The following ATAD2B variants were observed in gnomAD, a reference collection of about 807,000 sequenced individuals.
ATAD2B encodes ATPase family AAA domain containing 2B, also known as ATPase family AAA domain-containing protein 2B.
A neutral mutation model predicts 167.6 loss-of-function variants in ATAD2B; 40 were observed. That is an observed-to-expected ratio of 0.24 (90% CI 0.19 to 0.31). The LOEUF is 0.31. Among genes scored for constraint, ATAD2B ranks in the 10% least tolerant of loss-of-function variants. The pLI is 1.00. For synonymous variants in ATAD2B, 579 were observed against 596.5 expected (o/e 0.97, Z 0.43); for missense variants, 1,242 against 1,757.2 (o/e 0.71, Z 5.24).
the ATAD2B span, chr2:23,708,001 G>T: frequency 6.6e-6 from 1 of 152,186 alleles, no homozygotes; most frequent in Non-Finnish European, 1.5e-5. Context: ...GAATGCTGCC[G>T]CCACTGCGCT....
chr2:23,728,497 G>T, the ATAD2B span, among the ~76,000 whole-genome samples: 1 of 152,134 alleles, frequency 6.6e-6, no homozygotes, highest in Non-Finnish European at 1.5e-5. Context: ...AGTCAACAAA[G>T]ATAGGAGGAA....
chr2:23,819,749 T>A lies in ATAD2B; in HGVS notation c.2265A>T (p.Thr755=), dbSNP rs375808887. The change falls in exon 17 of 28, where the codon ACA becomes ACT. Residue 755 remains threonine, a splice_region_variant and synonymous_variant. Transcript: ENST00000238789. ...GAAAGTTGATATAAATCACTCACAT[T>A]GTAAAATGAAGGTAGGGTTTATGTA... ...AAIHKPYLHF[T]MSPYHQPTSY... is the part of the protein sequence containing the mutation. The A allele has an allele frequency of 1.3e-6, 2 of 1,595,884 alleles. No homozygotes were observed. Among genetic ancestry groups the A allele is most frequent in the Non-Finnish European group, 1.7e-6 (2 of 1,171,566 alleles).
At chr2:23,764,763 C>A (rs1384586853) in intron 23 of ATAD2B, among the ~76,000 whole-genome samples, 2 of 151,454 alleles carry the variant, frequency 1.3e-5, no homozygotes, top group Non-Finnish European at 3.0e-5. Context: ...CTATTTCCAG[C>A]ATTCTGTATT....
intron 21 of ATAD2B, among the ~76,000 whole-genome samples, chr2:23,785,447 C>T (rs1392101673): frequency 6.6e-6 from 1 of 152,070 alleles, no homozygotes; most frequent in Non-Finnish European, 1.5e-5. Context: ...ACAAACCATG[C>T]TCCCACAAGC....
intron 27 of ATAD2B, among the ~76,000 whole-genome samples, 160 bp from the exon 28 acceptor site, chr2:23,752,247 C>T (rs1434901327): frequency 1.3e-5 from 2 of 151,946 alleles, no homozygotes; most frequent in Admixed American, 6.6e-5. Flanking sequence ...TTAAGACTAT[C>T]TCCCCTAGAT....
the ATAD2B span, among the ~76,000 whole-genome samples, chr2:23,711,272 GATATAA>G: frequency 2.8e-5 from 4 of 142,232 alleles, no homozygotes; most frequent in East Asian, 4.2e-4. Context: ...ATTTTTATAA[GATATAA>G]ATATATATAT....
At chr2:23,722,039 C>G in the ATAD2B span, among the ~76,000 whole-genome samples, 18 of 152,344 alleles carry the variant, frequency 1.2e-4, no homozygotes, top group Non-Finnish European at 2.2e-4. Flanking sequence ...ACTGTGTCTA[C>G]CTAGAACCAA....
chr2:23,838,907 T>C (rs564902546), intron 13 of ATAD2B, among the ~76,000 whole-genome samples: 11 of 152,270 alleles, frequency 7.2e-5, no homozygotes, highest in African/African-American at 2.6e-4. Flanking sequence ...TCCCACCTTA[T>C]AGAAGAAAAG....
chr2:23,754,891 T>C, intron 25 of ATAD2B, 117 bp from the exon 26 acceptor site: 2 of 1,040,882 alleles, frequency 1.9e-6, no homozygotes, highest in Non-Finnish European at 2.7e-6. Flanking sequence ...AGGAAGGGTG[T>C]ATTCTTAAGT....
intron 17 of ATAD2B, among the ~76,000 whole-genome samples, chr2:23,815,386 T>C (rs1391346012): frequency 6.6e-6 from 1 of 152,122 alleles, no homozygotes; most frequent in Non-Finnish European, 1.5e-5. Context: ...AGGAAAGAAG[T>C]TGAGAATGAT....
At chr2:23,880,534 G>A (rs907228765) in intron 7 of ATAD2B, 105 bp downstream of exon 7, 26 of 664,098 alleles carry the variant, frequency 3.9e-5, no homozygotes, top group Non-Finnish European at 6.7e-5. Context: ...CTGCACTCCA[G>A]CCTGGGCGAT....
chr2:23,858,672 G>A (rs560410373), intron 12 of ATAD2B, among the ~76,000 whole-genome samples: 1 of 151,876 alleles, frequency 6.6e-6, no homozygotes, highest in South Asian at 2.1e-4. Context: ...TTGGAGAGAT[G>A]AGTTCTCACT....
downstream of ATAD2B, among the ~76,000 whole-genome samples, chr2:23,745,470 A>C (rs548189385): frequency 1.4e-5 from 2 of 145,930 alleles, no homozygotes; most frequent in South Asian, 4.4e-4. Flanking sequence ...GAAAGGAAGG[A>C]AGGAAGGAAG....
chr2:23,903,237 A>AAAATAAATAAATAAATAAATAAATAAAT (rs3029919), intron 1 of ATAD2B, among the ~76,000 whole-genome samples: 4 of 145,558 alleles, frequency 2.7e-5, no homozygotes, highest in African/African-American at 5.1e-5. Context: ...CTGTGTCTCA[A>AAAATAAATAAATAAATAAATAAATAAAT]AAATAAATAA....
chr2:23,888,309 A>G (rs897950125), intron 3 of ATAD2B, 41 bp downstream of exon 3: 2 of 1,368,466 alleles, frequency 1.5e-6, no homozygotes, highest in Non-Finnish European at 2.0e-6. Context: ...CTAACATTGT[A>G]AGAATTTTAA....
intron 1 of ATAD2B, among the ~76,000 whole-genome samples, chr2:23,912,255 G>A (rs1475720036): frequency 2.0e-5 from 3 of 152,128 alleles, no homozygotes; most frequent in African/African-American, 7.2e-5. Context: ...CAAGCACTTA[G>A]GAAGGCCAAG....
chr2:23,788,487 T>C, intron 20 of ATAD2B, 25 bp downstream of exon 20: 1 of 1,607,194 alleles, frequency 6.2e-7, no homozygotes, highest in Non-Finnish European at 8.5e-7. Context: ...CCCTCCCATT[T>C]TCCTAAAGGC....
At chr2:23,863,320 CAAAG>C (rs1694698375) in intron 12 of ATAD2B, 57 bp downstream of exon 12, 10 of 1,490,318 alleles carry the variant, frequency 6.7e-6, no homozygotes, top group Non-Finnish European at 8.1e-6. Flanking sequence ...CTCAAAAAAA[CAAAG>C]AAAGAAAAGA....
intron 22 of ATAD2B, among the ~76,000 whole-genome samples, chr2:23,778,428 G>A (rs1679497431): frequency 6.6e-6 from 1 of 152,066 alleles, no homozygotes; most frequent in Admixed American, 6.6e-5. Context: ...CCAGCCCTTA[G>A]ATTTGTTTCA....
Sources: allele counts gnomAD v4.1 joint callset (sites outside exome capture counted in the v4.1 genomes callset), GRCh38; gene constraint gnomAD v4.1.1; transcripts MANE v1.5; gene names NCBI Gene and HGNC (gene_info 2026-07-23, HGNC 2026-07-21).